Variants in NUBP2 observed in about 807,000 individuals in gnomAD.
The protein encoded by NUBP2 is cytosolic Fe-S cluster assembly factor NUBP2.
NUBP2 carries 23 observed loss-of-function variants against 24.9 expected under a neutral mutation model. The observed-to-expected ratio is 0.92, with a 90% CI of 0.66 to 1.31. NUBP2 has a LOEUF of 1.31. NUBP2 is among the 50% of genes most tolerant of loss of function. The pLI is 0.00. For missense variants in NUBP2, 403 were observed against 386.5 expected (o/e 1.04, Z -0.36); for synonymous variants, 186 against 170.9 (o/e 1.09, Z -0.69).
chr16:1,785,899 C>T lies in NUBP2; in HGVS notation c.17-638C>T, dbSNP rs748052260. 46 of 1,286,310 alleles carry T rather than the reference C, an allele frequency of 3.6e-5. No individual in the cohort carries two copies. In the Middle Eastern group the frequency reaches 6.5e-4, roughly 18 times the overall value. 79.7% of individuals were successfully genotyped at this position (1,286,310 alleles called of 1,614,324 possible). On this transcript the variant is annotated intron_variant, in intron 1 of 6. Coordinates refer to ENST00000262302, the MANE Select transcript of NUBP2 (RefSeq NM_012225.4). The stretch of plus-strand genomic sequence containing the variant: ...AGGGGCATGGCCTCAGCGGTGGCGC[C>T]GGGGTGAGAATGCAGGGGTTTTGCC...
Position 1,785,723 on chromosome 16 carries a change from C to G in NUBP2, c.17-814C>G, listed in dbSNP as rs1325582754. ...GTAGGTCTGAGGACCCGCCTGCATG[C>G]CAGGTTCTCCGGGAGGCTTTGGACT... On this transcript the variant is annotated intron_variant, in intron 1 of 6. Transcript: ENST00000262302. 10 of 1,289,124 alleles carry G rather than the reference C, an allele frequency of 7.8e-6. No homozygotes were observed. The Middle Eastern group carries it at 8.5e-4, about 110-fold the overall frequency. The allele number at this position is 1,289,124 out of a possible 1,614,324, so 79.9% of individuals were successfully genotyped here.
intron 1 of NUBP2, chr16:1,785,479 C>A (rs1896918582): frequency 1.7e-6 from 2 of 1,190,150 alleles, no homozygotes; most frequent in Non-Finnish European, 2.1e-6. Flanking sequence ...CAGTCAGGAC[C>A]CAGGCCTGAC....
rs1423219509 is a variant in NUBP2, at chr16:1,788,782, A to T, written c.*68A>T. The T allele has an allele frequency of 3.3e-6, 5 of 1,522,052 alleles. No individual in the cohort carries two copies. In the African/African-American group the frequency reaches 5.6e-5, roughly 17 times the overall value. 94.3% of individuals were successfully genotyped at this position (1,522,052 alleles called of 1,614,324 possible). A position where few individuals can be genotyped will look rare whatever the true frequency, so the allele number is the denominator to read the frequency against. On this transcript the variant is annotated 3_prime_UTR_variant, in exon 7 of 7. Transcript: ENST00000262302. Reference sequence around the variant, plus strand: ...CTGCTCCAGCCTCTCAGAGAAACAGAGGCCTGGGCTCGGTTCCCGGGCCCT... The same window carrying T: ...CTGCTCCAGCCTCTCAGAGAAACAGTGGCCTGGGCTCGGTTCCCGGGCCCT...
rs764960892 is a variant in NUBP2 at position 1,786,889 on chromosome 16, A to C, written c.268A>C (p.Met90Leu). Residue 90 changes from methionine to leucine, a missense_variant, in exon 3 of 7, where the codon ATG (methionine) becomes CTG (leucine). Met to Leu is a conservative substitution (Grantham distance 15). Coordinates refer to ENST00000262302, the MANE Select transcript of NUBP2 (RefSeq NM_012225.4). ...GGACCGGGAGCAGAGCATCTCGCTCATGTCTGTGGGCTTCCTGCTGGAGAA... is the reference window on the plus strand; with the variant it reads ...GGACCGGGAGCAGAGCATCTCGCTCCTGTCTGTGGGCTTCCTGCTGGAGAA... ...FLDREQSISL[M>L]SVGFLLEKPD... The C allele has an allele frequency of 1.9e-6, 3 of 1,565,512 alleles. No homozygotes were observed. The highest frequency in any genetic ancestry group is 2.3e-5 in the South Asian group (2 of 87,084).
intron 1 of NUBP2, chr16:1,785,013 C>G (rs1567234195): frequency 1.1e-6 from 1 of 893,048 alleles, no homozygotes; most frequent in African/African-American, 1.8e-5. Context: ...GATTGCGCCA[C>G]TGTACTCCAG....
chr16:1,788,572 C>G lies in NUBP2; in HGVS notation c.674C>G (p.Ser225Cys), dbSNP rs753784441. The G allele has an allele frequency of 6.2e-7, 1 of 1,603,590 alleles. No individual in the cohort carries two copies. The highest frequency in any genetic ancestry group is 8.5e-7 in the Non-Finnish European group (1 of 1,177,710). ...AQLAGVPFLG[S>C]VPLDPALMRT... Reference sequence around the variant, plus strand: ...CCGCCTCCACTGTGCCCTGCAGGCTCCGTGCCCCTGGACCCTGCGCTCATG... The same window carrying G: ...CCGCCTCCACTGTGCCCTGCAGGCTGCGTGCCCCTGGACCCTGCGCTCATG... The change falls in exon 7 of 7, where the codon TCC (serine) becomes TGC (cysteine). Residue 225 changes from serine to cysteine, a missense_variant. Coordinates refer to ENST00000262302, the MANE Select transcript of NUBP2 (RefSeq NM_012225.4).
chr16:1,783,618 G>A (rs901349603), intron 1 of NUBP2: 11 of 446,794 alleles, frequency 2.5e-5, no homozygotes, highest in Non-Finnish European at 3.0e-5. Context: ...GAGACCTCGA[G>A]TCCGATACCA....
rs553150605 is a variant in NUBP2, at chr16:1,786,507, CCT to C, written c.17-29_17-28del. 198 of 1,558,754 alleles carry C rather than the reference CCT, an allele frequency of 1.3e-4. No individual in the cohort carries two copies. In the African/African-American group the frequency reaches 2.3e-3, roughly 18 times the overall value. On this transcript the variant is annotated intron_variant, in intron 1 of 6. Coordinates refer to ENST00000262302, the MANE Select transcript of NUBP2 (RefSeq NM_012225.4). ...TGTGGGCACAGTGGGCACCAGGAGC[CCT>C]GACCTTCTCTGTCGTGTTTCCGCCC...
intron 1 of NUBP2, among the ~76,000 whole-genome samples, chr16:1,783,695 T>A (rs917132251): frequency 6.6e-6 from 1 of 152,206 alleles, no homozygotes; most frequent in Non-Finnish European, 1.5e-5. Context: ...AACCGAGTGC[T>A]GGAGTCTTTT....
intron 1 of NUBP2, chr16:1,783,548 C>T: frequency 2.1e-6 from 2 of 974,312 alleles, no homozygotes; most frequent in African/African-American, 1.8e-5. Context: ...GGGGACGATC[C>T]GTTCGCCAGA....
intron 6 of NUBP2, 55 bp downstream of exon 6, chr16:1,788,262 G>A: frequency 1.4e-6 from 2 of 1,427,798 alleles, no homozygotes; most frequent in Non-Finnish European, 1.8e-6. Flanking sequence ...TCTCTGCCCT[G>A]GGCGGGTTTG....
chr16:1,786,723 G>A lies in NUBP2; in HGVS notation c.136-34G>A, dbSNP rs748902242. ...CCCGCATCCCGGTGGAGGCCTGGCG[G>A]TGCCCCCGGCCTAGGCTGTGCCGCT... On this transcript the variant is annotated intron_variant, in intron 2 of 6. Coordinates refer to ENST00000262302, the MANE Select transcript of NUBP2 (RefSeq NM_012225.4). The A allele has an allele frequency of 2.9e-5, 47 of 1,611,320 alleles. 1 individual carries two copies. In the South Asian group the frequency reaches 5.2e-4, roughly 18 times the overall value.
At chr16:1,788,423 G>A in intron 6 of NUBP2, 146 bp from the exon 7 acceptor site, 2 of 1,293,702 alleles carry the variant, frequency 1.5e-6, no homozygotes, top group Non-Finnish European at 2.0e-6. Context: ...CAGCCTGCTG[G>A]GAGGGCCGCG....
chr16:1,787,948 C>CCGTGGGGGA lies in NUBP2; in HGVS notation c.502_510dup (p.Gly168_Val170dup). The CCGTGGGGGA allele has an allele frequency of 6.2e-7, 1 of 1,604,644 alleles. No individual in the cohort carries two copies. Among genetic ancestry groups the CCGTGGGGGA allele is most frequent in the Non-Finnish European group, 8.5e-7 (1 of 1,177,034 alleles). On this transcript the variant is annotated inframe_insertion, in exon 5 of 7. Transcript: ENST00000262302. Reference sequence around the variant, plus strand: ...TCGGCTCCTGCCCCGCAGGCGGTGTCCGTGGGGGACGTGAGGCGCGAGCTG... The same window carrying CCGTGGGGGA: ...TCGGCTCCTGCCCCGCAGGCGGTGTCCGTGGGGGACGTGGGGGACGTGAGGCGCGAGCTG...
intron 1 of NUBP2, chr16:1,783,380 C>T: frequency 9.3e-7 from 1 of 1,072,146 alleles, no homozygotes; most frequent in Non-Finnish European, 1.1e-6. Flanking sequence ...CACCGCAGCC[C>T]GGGCAAGAGC....
chr16:1,786,234 GA>G, intron 1 of NUBP2: 1 of 427,426 alleles, frequency 2.3e-6, no homozygotes, highest in Non-Finnish European at 4.3e-6. Context: ...ACACGCGCAC[GA>G]AGGAACGCAT....
intron 1 of NUBP2, chr16:1,783,407 A>G (rs1009765481): frequency 1.9e-6 from 2 of 1,039,498 alleles, no homozygotes; most frequent in South Asian, 9.2e-5. Context: ...CTGTCTCTAA[A>G]TAAATCACAC....
intron 3 of NUBP2, chr16:1,787,462 A>C (rs1596875852): frequency 1.6e-6 from 1 of 640,414 alleles, no homozygotes; most frequent in East Asian, 2.8e-5. Flanking sequence ...GGCAGGGGCC[A>C]GACACTGCAG....
chr16:1,784,050 G>A (rs1286915588), intron 1 of NUBP2: 157 of 984,400 alleles, frequency 1.6e-4, no homozygotes, highest in Non-Finnish European at 1.8e-4. Context: ...TTATTATCAG[G>A]ACGGATTTAC....
Sources: allele counts gnomAD v4.1 joint callset (sites outside exome capture counted in the v4.1 genomes callset), GRCh38; gene constraint gnomAD v4.1.1; transcripts MANE v1.5; gene names NCBI Gene and HGNC (gene_info 2026-07-23, HGNC 2026-07-21).